Variants in FSD2 observed in about 807,000 individuals in gnomAD.
FSD2 encodes the protein fibronectin type III and SPRY domain containing 2.
FSD2 carries 71 observed loss-of-function variants against 80.4 expected under a neutral mutation model. The observed-to-expected ratio is 0.88, with a 90% confidence interval of 0.73 to 1.08. The LOEUF (loss-of-function observed/expected upper bound fraction) is 1.08, where lower values mean the gene tolerates loss of function less well. Among genes scored for constraint, FSD2 ranks in the 50% least tolerant of loss-of-function variants. The probability of loss-of-function intolerance (pLI) is 0.00; values close to 1 mark genes in which losing one functional copy is unlikely to be tolerated. For missense variants in FSD2, 923 were observed against 913.8 expected, an observed-to-expected ratio of 1.01 and a Z score of -0.13; for synonymous variants, 361 against 329.5, an observed-to-expected ratio of 1.10 and a Z score of -1.03.
At chr15:82,772,798 C>T (rs975477732) in intron 6 of FSD2, among the ~76,000 whole-genome samples, 1 of 152,188 alleles carries the variant, frequency 6.6e-6, no homozygotes, top group African/African-American at 2.4e-5. Context: ...TATACAGTCT[C>T]ACACACACAA....
chr15:82,778,954 C>G, intron 5 of FSD2, 67 bp from the exon 6 acceptor site: 1 of 1,536,832 alleles, frequency 6.5e-7, no homozygotes, highest in African/African-American at 1.4e-5. Context: ...ATATATAGTG[C>G]TGAGTCACTG....
intron 11 of FSD2, among the ~76,000 whole-genome samples, chr15:82,763,410 T>C (rs2049335791): frequency 6.6e-6 from 1 of 152,230 alleles, no homozygotes; most frequent in South Asian, 2.1e-4. Flanking sequence ...CTCTGTGTTT[T>C]AAGTATTCTC....
At chr15:82,775,230 C>T (rs1401117741) in intron 6 of FSD2, among the ~76,000 whole-genome samples, 1 of 151,120 alleles carries the variant, frequency 6.6e-6, no homozygotes, top group African/African-American at 2.4e-5. Flanking sequence ...AACCCCGTGT[C>T]TAATAAAAAT....
chr15:82,768,998 T>C lies in FSD2; in HGVS notation c.1435A>G (p.Ile479Val). ...AGCACAGCCTCTTCACAGCTCCTTA[T>C]CTCTTTGGTTTTAATAATGGGGGGA... is the stretch of plus-strand genomic sequence containing the variant. ...PSPPIIKTKEIRSCEEAVLIC... is the reference protein window; with the variant it reads ...PSPPIIKTKEVRSCEEAVLIC... Residue 479 changes from isoleucine to valine, a missense_variant, in exon 9 of 13, where the codon ATA (isoleucine) becomes GTA (valine). Physicochemically the swap from Ile to Val is conservative, Grantham distance 29 (BLOSUM62 3). Coordinates refer to ENST00000334574, the MANE Select transcript of FSD2 (RefSeq NM_001007122.4). 6.3e-7 allele frequency: 1 copy of C among 1,597,948 alleles called. No homozygotes were observed. Among genetic ancestry groups the C allele is most frequent in the Non-Finnish European group, 8.5e-7 (1 of 1,173,484 alleles).
chr15:82,797,887 A>G (rs2050315767), intron 1 of FSD2, among the ~76,000 whole-genome samples: 2 of 152,204 alleles, frequency 1.3e-5, no homozygotes, highest in South Asian at 4.1e-4. Flanking sequence ...TGTGATTAAA[A>G]GTTGTATTGG....
At chr15:82,799,414 C>G (rs562512796) in intron 1 of FSD2, among the ~76,000 whole-genome samples, 1 of 152,304 alleles carries the variant, frequency 6.6e-6, no homozygotes, top group African/African-American at 2.4e-5. Flanking sequence ...ATTCTAGGCC[C>G]TCTTCCCACT....
At chr15:82,796,901 G>A (rs1025243264) in intron 1 of FSD2, among the ~76,000 whole-genome samples, 3 of 151,904 alleles carry the variant, frequency 2.0e-5, no homozygotes, top group Non-Finnish European at 4.4e-5. Context: ...TAGCATTTGA[G>A]GCTTCATGTA....
intron 3 of FSD2, among the ~76,000 whole-genome samples, chr15:82,785,261 A>G (rs2049967440): frequency 6.6e-6 from 1 of 152,202 alleles, no homozygotes. Context: ...CTGATCTCTC[A>G]GAAAAGTCTG....
chr15:82,776,526 C>T (rs1188939633), intron 6 of FSD2, among the ~76,000 whole-genome samples: 1 of 152,018 alleles, frequency 6.6e-6, no homozygotes, highest in Admixed American at 6.6e-5. Flanking sequence ...ATAAACTTAA[C>T]TGAGGAGGTG....
chr15:82,802,999 T>C (rs1030462031), intron 1 of FSD2, among the ~76,000 whole-genome samples: 1 of 152,046 alleles, frequency 6.6e-6, no homozygotes. Context: ...GAGAACAGGA[T>C]TGGGCTAGGC....
At position 82,783,038 on chromosome 15, in the gene FSD2, T is replaced by A; in HGVS notation, c.736-13A>T. On this transcript the variant is annotated splice_polypyrimidine_tract_variant and intron_variant, in intron 3 of 12. Coordinates refer to ENST00000334574, the MANE Select transcript of FSD2 (RefSeq NM_001007122.4). Reference sequence around the variant, plus strand: ...TTCCAAAATTCTCCTGCAAGACAGTTGATCTCAGTCATCATTTCAGCGCAT... The same window carrying A: ...TTCCAAAATTCTCCTGCAAGACAGTAGATCTCAGTCATCATTTCAGCGCAT... 1 of 1,566,958 alleles carries A rather than the reference T, an allele frequency of 6.4e-7. No individual in the cohort carries two copies. The highest frequency in any genetic ancestry group is 1.4e-5 in the African/African-American group (1 of 73,628).
chr15:82,805,895 A>G (rs1296650851), intron 1 of FSD2, 71 bp downstream of exon 1: 2 of 152,266 alleles, frequency 1.3e-5, no homozygotes, highest in African/African-American at 2.4e-5. Context: ...AAGATATTGC[A>G]TTAATATTGC....
chr15:82,764,352 T>G (rs2049359069), intron 11 of FSD2, among the ~76,000 whole-genome samples: 1 of 152,114 alleles, frequency 6.6e-6, no homozygotes. Context: ...AAGTAACCAG[T>G]GGGAACCTCT....
rs547640380 is a variant in FSD2 at position 82,785,420 on chromosome 15, G to A, written c.735+1091C>T. ...GCTCACTGCAACCTCTGCCTCCCGG[G>A]TTCCAGCAATTCTCCTGCCTCAGCC... On this transcript the variant is annotated intron_variant, in intron 3 of 12. Coordinates refer to ENST00000334574, the MANE Select transcript of FSD2 (RefSeq NM_001007122.4). Among the ~76,000 whole-genome samples the A allele has an allele frequency of 6.6e-5, 10 of 151,972 alleles. No individual in the cohort carries two copies. In the South Asian group the frequency reaches 1.9e-3, roughly 28 times the overall value.
At chr15:82,790,752 T>TTC (rs1248201795) in intron 1 of FSD2, among the ~76,000 whole-genome samples, 1 of 146,610 alleles carries the variant, frequency 6.8e-6, no homozygotes, top group Non-Finnish European at 1.5e-5. Context: ...ATTTTTTTTT[T>TTC]TTTTTTGTAT....
In FSD2 at chr15:82,782,776, A is replaced by G. The variant is rs2049899257; in HGVS notation, c.966+19T>C. On this transcript the variant is annotated intron_variant, in intron 4 of 12. Coordinates refer to ENST00000334574, the MANE Select transcript of FSD2 (RefSeq NM_001007122.4). ...CTCTTTCCATTATGTTCATTATTTC[A>G]TTTTGTTTCATTACTGACCTTTATG... The G allele has an allele frequency of 1.9e-6, 3 of 1,545,442 alleles. No individual in the cohort carries two copies. Among genetic ancestry groups the G allele is most frequent in the South Asian group, 2.3e-5 (2 of 85,810 alleles).
chr15:82,797,575 C>T (rs971216361), intron 1 of FSD2, among the ~76,000 whole-genome samples: 1 of 152,220 alleles, frequency 6.6e-6, no homozygotes, highest in Non-Finnish European at 1.5e-5. Context: ...CTTTGGGAGG[C>T]CGAGGCGGGC....
intron 6 of FSD2, among the ~76,000 whole-genome samples, chr15:82,775,695 T>G (rs1458611692): frequency 1.3e-5 from 2 of 152,192 alleles, no homozygotes; most frequent in African/African-American, 4.8e-5. Context: ...GGGCTTAGCT[T>G]GTTCTTTTTC....
intron 9 of FSD2, among the ~76,000 whole-genome samples, chr15:82,767,399 C>T (rs1333118031): frequency 2.0e-5 from 3 of 152,180 alleles, no homozygotes; most frequent in Non-Finnish European, 4.4e-5. Flanking sequence ...GTAGGAGGAA[C>T]TGAAACATGA....
Sources: gnomAD v4.1 joint callset for allele counts (sites outside exome capture counted in the v4.1 genomes callset) on GRCh38, gnomAD v4.1.1 for gene constraint, MANE v1.5 for transcripts, NCBI Gene and HGNC (gene_info 2026-07-23, HGNC 2026-07-21) for gene names.